The following PCDHGC4 variants were observed in gnomAD, a reference collection of about 807,000 sequenced individuals.
The protein encoded by PCDHGC4 is protocadherin gamma subfamily C, 4.
Under a neutral mutation model 59.7 loss-of-function variants are expected in PCDHGC4, and 15 were observed. The ratio of observed to expected loss-of-function variants is 0.25; its 90% CI spans 0.17 to 0.39. The LOEUF (loss-of-function observed/expected upper bound fraction) is 0.39, where lower values mean the gene tolerates loss of function less well. Ranked by LOEUF, PCDHGC4 falls within the 10% of genes least tolerant of loss-of-function variation. The pLI, the probability that PCDHGC4 is intolerant of heterozygous loss-of-function variation, is 1.00. For synonymous variants in PCDHGC4, 434 were observed against 481.4 expected, an observed-to-expected ratio of 0.90 and a Z score of 1.29; for missense variants, 1,016 against 1,189.5, an observed-to-expected ratio of 0.85 and a Z score of 2.15.
At chr5:141,492,312 C>T (rs1470136040) in intron 1 of PCDHGC4, among the ~76,000 whole-genome samples, 2 of 152,348 alleles carry the variant, frequency 1.3e-5, no homozygotes, top group African/African-American at 4.8e-5. Flanking sequence ...CGCACGCACT[C>T]CTCGCACGTG....
rs1330469043 is a variant in PCDHGC4 at position 141,491,537 on chromosome 5, C to A, written c.2443-3270C>A. On this transcript the variant is annotated intron_variant, in intron 1 of 3. Transcript: ENST00000306593. This position sits in a 1 kb window ranked among gnomAD's most constrained non-coding sequence, Gnocchi z 6.9. ...AAGTACATGGAGGTGACGCTGCGGCCCACAGACTCGCAGAGCCACTGCTAC... is the reference window on the plus strand; with the variant it reads ...AAGTACATGGAGGTGACGCTGCGGCACACAGACTCGCAGAGCCACTGCTAC... The A allele has an allele frequency of 6.2e-7, 1 of 1,613,908 alleles. No homozygotes were observed. Among genetic ancestry groups the A allele is most frequent in the African/African-American group, 1.3e-5 (1 of 74,920 alleles).
At position 141,491,872 on chromosome 5, in the gene PCDHGC4, G is replaced by A; in HGVS notation, c.2443-2935G>A. On this transcript the variant is annotated intron_variant, in intron 1 of 3. Transcript: ENST00000306593. The surrounding 1 kb of genome is among the most constrained non-coding windows in gnomAD (Gnocchi z 6.9). ...CCGTTTGCGCGAAACCAGAGTGGCCGATTAAGGGATGGGGCTCCGAGCACC... is the reference window on the plus strand; with the variant it reads ...CCGTTTGCGCGAAACCAGAGTGGCCAATTAAGGGATGGGGCTCCGAGCACC... 6.9e-7 allele frequency: 1 copy of A among 1,452,190 alleles called. No individual in the cohort carries two copies. The highest frequency in any genetic ancestry group is 9.1e-7 in the Non-Finnish European group (1 of 1,098,644). The allele number at this position is 1,452,190 out of a possible 1,614,324, so 90.0% of individuals were successfully genotyped here.
intron 3 of PCDHGC4, among the ~76,000 whole-genome samples, chr5:141,509,022 C>G (rs2099873807): frequency 6.6e-6 from 1 of 152,206 alleles, no homozygotes; most frequent in East Asian, 1.9e-4. Context: ...CAGCTGCTCC[C>G]TCCCACTCAA....
intron 2 of PCDHGC4, among the ~76,000 whole-genome samples, chr5:141,497,219 A>G (rs974609491): frequency 6.7e-6 from 1 of 149,602 alleles, no homozygotes; most frequent in South Asian, 2.1e-4. Context: ...TGGGGGGGGG[A>G]AGATCAGAGA....
chr5:141,491,542 G>T lies in PCDHGC4; in HGVS notation c.2443-3265G>T, dbSNP rs112433306. The T allele has an allele frequency of 6.2e-7, 1 of 1,613,898 alleles. No homozygotes were observed. Among genetic ancestry groups the T allele is most frequent in the Admixed American group, 1.7e-5 (1 of 60,006 alleles). On this transcript the variant is annotated intron_variant, in intron 1 of 3. Transcript: ENST00000306593. This position sits in a 1 kb window ranked among gnomAD's most constrained non-coding sequence, Gnocchi z 6.9. ...CATGGAGGTGACGCTGCGGCCCACA[G>T]ACTCGCAGAGCCACTGCTACAGGAC...
intron 1 of PCDHGC4, among the ~76,000 whole-genome samples, chr5:141,492,802 G>A (rs1490284966): frequency 6.6e-6 from 1 of 152,234 alleles, no homozygotes; most frequent in Non-Finnish European, 1.5e-5. Flanking sequence ...GCAGGACTGG[G>A]ACTCCAGTGG....
At position 141,491,023 on chromosome 5, in the gene PCDHGC4, G is replaced by A. The variant is rs773185039; in HGVS notation, c.2442+3408G>A. 17 of 1,613,990 alleles carry A rather than the reference G, an allele frequency of 1.1e-5. No individual in the cohort carries two copies. Among genetic ancestry groups the A allele is most frequent in the Admixed American group, 5.0e-5 (3 of 60,008 alleles). ...CTCCTTGGTCACCAAGGTGACAGCC[G>A]TGGATGCTGATGCAGGCCACAATGC... On this transcript the variant is annotated intron_variant, in intron 1 of 3. Coordinates refer to ENST00000306593, the MANE Select transcript of PCDHGC4 (RefSeq NM_018928.3). The surrounding 1 kb of genome is among the most constrained non-coding windows in gnomAD (Gnocchi z 6.9).
Position 141,494,869 on chromosome 5 carries a change from G to A in PCDHGC4, c.2501+4G>A. 6.2e-7 allele frequency: 1 copy of A among 1,614,144 alleles called. No individual in the cohort carries two copies. Among genetic ancestry groups the A allele is most frequent in the Non-Finnish European group, 8.5e-7 (1 of 1,180,010 alleles). On this transcript the variant is annotated splice_donor_region_variant and intron_variant, in intron 2 of 3. Coordinates refer to ENST00000306593, the MANE Select transcript of PCDHGC4 (RefSeq NM_018928.3). The stretch of plus-strand genomic sequence containing the variant: ...CCCAGAGACCCGGCACCAGCGGGTA[G>A]GTGACTGATTCTCCAGCCCACCCTC...
In PCDHGC4 at chr5:141,490,794, C is replaced by G. The variant is rs763933771; in HGVS notation, c.2442+3179C>G. The G allele has an allele frequency of 5.0e-6, 8 of 1,613,976 alleles. No individual in the cohort carries two copies. In the South Asian group the frequency reaches 7.7e-5, roughly 16 times the overall value. ...ACCCAGAGGATGGACGGATCTTTGCCCAGCGTACCTTTGACTATGAATTGC... is the reference window on the plus strand; with the variant it reads ...ACCCAGAGGATGGACGGATCTTTGCGCAGCGTACCTTTGACTATGAATTGC... On this transcript the variant is annotated intron_variant, in intron 1 of 3. Transcript: ENST00000306593. The surrounding 1 kb of genome is among the most constrained non-coding windows in gnomAD (Gnocchi z 5.4).
rs778052844 is a variant in PCDHGC4, at chr5:141,486,259, T to C, written c.1086T>C (p.Ser362=). ...CAGAGCTTGGAACCCTCCCCGAGAG[T>C]GCAGAACCTGGCACTGTGGTGGCAC... is the stretch of plus-strand genomic sequence containing the variant. ...VTSELGTLPE[S]AEPGTVVALI... is the part of the protein sequence containing the mutation. Residue 362 remains serine, a synonymous_variant, in exon 1 of 4, where the codon AGT becomes AGC. Coordinates refer to ENST00000306593, the MANE Select transcript of PCDHGC4 (RefSeq NM_018928.3). This position sits in a 1 kb window ranked among gnomAD's most constrained non-coding sequence, Gnocchi z 5.0. 1 of 1,613,204 alleles carries C rather than the reference T, an allele frequency of 6.2e-7. No individual in the cohort carries two copies. The highest frequency in any genetic ancestry group is 8.5e-7 in the Non-Finnish European group (1 of 1,179,716).
At chr5:141,498,967 GGGAGGGAAGGAA>G (rs1374222518) in intron 2 of PCDHGC4, among the ~76,000 whole-genome samples, 13 of 129,674 alleles carry the variant, frequency 1.0e-4, no homozygotes, top group South Asian at 5.5e-4. Context: ...GAGGGAGGGA[GGGAGGGAAGGAA>G]GGAAGGAAGG....
chr5:141,507,097 A>G (rs1343795018), intron 3 of PCDHGC4: 1 of 152,082 alleles, frequency 6.6e-6, no homozygotes, highest in African/African-American at 2.4e-5. Flanking sequence ...TGCTCTTTCT[A>G]CTATAGGGAC....
At position 141,512,348 on chromosome 5, in the gene PCDHGC4, G is replaced by C. The variant is rs1172891268; in HGVS notation, c.*1175G>C. 4 of 152,886 alleles carry C rather than the reference G, an allele frequency of 2.6e-5. No homozygotes were observed. The highest frequency in any genetic ancestry group is 9.6e-5 in the African/African-American group (4 of 41,462). The allele number at this position is 152,886 out of a possible 1,614,324, so 9.5% of individuals were successfully genotyped here. A position where few individuals can be genotyped will look rare whatever the true frequency, so the allele number is the denominator to read the frequency against. ...GGCCATTCTTAGTCCCTGGGTTGGG[G>C]AGGCAGGGAGCTAGGGCAGGGACCA... On this transcript the variant is annotated 3_prime_UTR_variant, in exon 4 of 4. Transcript: ENST00000306593.
intron 3 of PCDHGC4, 96 bp downstream of exon 3, chr5:141,505,577 G>C: frequency 2.5e-6 from 4 of 1,589,854 alleles, no homozygotes; most frequent in Non-Finnish European, 3.4e-6. Flanking sequence ...TGTCAAACCT[G>C]TGTAGTTTCT....
rs141556649 is a variant in PCDHGC4 at position 141,492,225 on chromosome 5, C to T, written c.2443-2582C>T. ...GTGTGCGCGCGGGGCTCATGCGTGT[C>T]CTCCCTGCTGGCCACCCCCACGGCC... On this transcript the variant is annotated intron_variant, in intron 1 of 3. Transcript: ENST00000306593. Among the ~76,000 whole-genome samples the T allele has an allele frequency of 2.4e-3, 361 of 152,274 alleles. No individual in the cohort carries two copies. In the Middle Eastern group the frequency reaches 0.024, roughly 10 times the overall value.
rs141959335 is a variant in PCDHGC4, at chr5:141,491,261, T to C, written c.2443-3546T>C. On this transcript the variant is annotated intron_variant, in intron 1 of 3. Transcript: ENST00000306593. This position sits in a 1 kb window ranked among gnomAD's most constrained non-coding sequence, Gnocchi z 6.9. Reference sequence around the variant, plus strand: ...CTGGAGGATGAGGACCCTGAGGAAATGCCCAAATCCAGTGACTTCCTCATA... The same window carrying C: ...CTGGAGGATGAGGACCCTGAGGAAACGCCCAAATCCAGTGACTTCCTCATA... 104 of 1,614,044 alleles carry C rather than the reference T, an allele frequency of 6.4e-5. No individual in the cohort carries two copies. Among genetic ancestry groups the C allele is most frequent in the Non-Finnish European group, 8.1e-5 (95 of 1,180,028 alleles).
At position 141,489,180 on chromosome 5, in the gene PCDHGC4, C is replaced by G. The variant is rs942218118; in HGVS notation, c.2442+1565C>G. On this transcript the variant is annotated intron_variant, in intron 1 of 3. Transcript: ENST00000306593. This position sits in a 1 kb window ranked among gnomAD's most constrained non-coding sequence, Gnocchi z 4.5. ...GACTTCAGCTGCTGCATTCCAAGCC[C>G]TGGGTCTACCTTGGAGACAGGACAG... The G allele has an allele frequency of 1.8e-5, 23 of 1,259,630 alleles. No homozygotes were observed. In the South Asian group the frequency reaches 3.0e-4, roughly 17 times the overall value. The allele number at this position is 1,259,630 out of a possible 1,614,324, so 78.0% of individuals were successfully genotyped here.
rs781267293 is a variant in PCDHGC4 at position 141,489,926 on chromosome 5, C to T, written c.2442+2311C>T. 1.2e-6 allele frequency: 2 copies of T among 1,614,222 alleles called. No individual in the cohort carries two copies. The highest frequency in any genetic ancestry group is 2.2e-5 in the East Asian group (1 of 44,878). On this transcript the variant is annotated intron_variant, in intron 1 of 3. Coordinates refer to ENST00000306593, the MANE Select transcript of PCDHGC4 (RefSeq NM_018928.3). The surrounding 1 kb of genome is among the most constrained non-coding windows in gnomAD (Gnocchi z 4.5). Reference sequence around the variant, plus strand: ...GCCCGCTCAGGGACCACCCTTATCTCTGTCATCGTGCTGGACATCAATGAT... The same window carrying T: ...GCCCGCTCAGGGACCACCCTTATCTTTGTCATCGTGCTGGACATCAATGAT...
chr5:141,496,533 G>A (rs2099769399), intron 2 of PCDHGC4, among the ~76,000 whole-genome samples: 2 of 152,176 alleles, frequency 1.3e-5, no homozygotes, highest in Admixed American at 1.3e-4. Context: ...GTGTATGGCA[G>A]AGATTCCAGC....
Sources: gnomAD v4.1 joint callset for allele counts (sites outside exome capture counted in the v4.1 genomes callset) on GRCh38, gnomAD v4.1.1 for gene constraint, Gnocchi (gnomAD v3.1) non-coding constraint, MANE v1.5 for transcripts, NCBI Gene and HGNC (gene_info 2026-07-23, HGNC 2026-07-21) for gene names.